Variants in SDK1 observed in about 807,000 individuals in gnomAD.
The protein encoded by SDK1 is sidekick cell adhesion molecule 1.
SDK1 carries 157 observed loss-of-function variants against 245.5 expected under a neutral mutation model. The ratio of observed to expected loss-of-function variants is 0.64; its 90% CI spans 0.56 to 0.73. The LOEUF (loss-of-function observed/expected upper bound fraction) is 0.73, where lower values mean the gene tolerates loss of function less well. SDK1 is among the 30% of genes least tolerant of loss of function. The probability of loss-of-function intolerance (pLI) is 0.00; values close to 1 mark genes in which losing one functional copy is unlikely to be tolerated. For synonymous variants in SDK1, 1,647 were observed against 1,278.5 expected, an observed-to-expected ratio of 1.29 and a Z score of -6.15; for missense variants, 3,583 against 3,002.3, an observed-to-expected ratio of 1.19 and a Z score of -4.52.
intron 38 of SDK1, among the ~76,000 whole-genome samples, chr7:4,216,726 C>T (rs1784818201): frequency 6.6e-6 from 1 of 152,196 alleles, no homozygotes; most frequent in Non-Finnish European, 1.5e-5. Context: ...CACACCTCCT[C>T]ACCCAGAACC....
At chr7:3,310,557 G>C (rs2128543289) in intron 1 of SDK1, among the ~76,000 whole-genome samples, 1 of 152,224 alleles carries the variant, frequency 6.6e-6, no homozygotes, top group African/African-American at 2.4e-5. Context: ...CAGGTTTCTG[G>C]CTTGCATGAC....
chr7:3,908,828 C>A lies in SDK1; in HGVS notation c.848-42095C>A, dbSNP rs74535432. Among the ~76,000 whole-genome samples the A allele has an allele frequency of 1.9e-3, 258 of 138,014 alleles. 2 individuals are homozygous for A. Among genetic ancestry groups the A allele is most frequent in the African/African-American group, 8.5e-3 (248 of 29,318 alleles). 90.5% of individuals were successfully genotyped at this position (138,014 alleles called of 152,430 possible). A position where few individuals can be genotyped will look rare whatever the true frequency, so the allele number is the denominator to read the frequency against. ...TGGGGGGACTTAGGAGGAAAGAATT[C>A]ATTTTTTTTTTTTTTTGGTACCTTA... On this transcript the variant is annotated intron_variant, in intron 5 of 44. Transcript: ENST00000404826.
intron 1 of SDK1, among the ~76,000 whole-genome samples, chr7:3,302,718 A>C (rs992615391): frequency 6.6e-6 from 1 of 151,876 alleles, no homozygotes; most frequent in African/African-American, 2.4e-5. Context: ...CTCAACCCAG[A>C]AATAACTATT....
Position 4,010,900 on chromosome 7 carries a change from A to T in SDK1, c.2132-66A>T. 3 of 1,531,928 alleles carry T rather than the reference A, an allele frequency of 2.0e-6. No individual in the cohort carries two copies. In the South Asian group the frequency reaches 3.5e-5, roughly 18 times the overall value. 94.9% of individuals were successfully genotyped at this position (1,531,928 alleles called of 1,614,324 possible). A position where few individuals can be genotyped will look rare whatever the true frequency, so the allele number is the denominator to read the frequency against. Reference sequence around the variant, plus strand: ...AGATGTTCCCTGAGAAAGCCTTTGCATTCACCTCTTATTATTCAGACATGA... The same window carrying T: ...AGATGTTCCCTGAGAAAGCCTTTGCTTTCACCTCTTATTATTCAGACATGA... On this transcript the variant is annotated intron_variant, in intron 14 of 44. Coordinates refer to ENST00000404826, the MANE Select transcript of SDK1 (RefSeq NM_152744.4).
chr7:4,205,907 G>T lies in SDK1; in HGVS notation c.5127G>T (p.Gln1709His). ...AAPAMAPQNV[Q>H]VTPLTASQLE... ...CGGCCATGGCCCCGCAGAACGTGCA[G>T]GTGACCCCACTCACGGCCAGCCAGC... is the stretch of plus-strand genomic sequence containing the variant. The change falls in exon 36 of 45, where the codon CAG becomes CAT. Residue 1709 changes from glutamine (Q) to histidine (H), a missense_variant. By Grantham distance (24) the Gln-to-His change is conservative. Coordinates refer to ENST00000404826, the MANE Select transcript of SDK1 (RefSeq NM_152744.4). 6.4e-7 allele frequency: 1 copy of T among 1,557,538 alleles called. No homozygotes were observed. The highest frequency in any genetic ancestry group is 1.2e-5 in the South Asian group (1 of 84,470).
At chr7:3,429,971 A>G (rs188729245) in intron 1 of SDK1, among the ~76,000 whole-genome samples, 2 of 152,340 alleles carry the variant, frequency 1.3e-5, no homozygotes, top group African/African-American at 4.8e-5. Context: ...CTCTATCTGT[A>G]TATACATTTC....
chr7:3,389,337 A>G lies in SDK1; in HGVS notation c.298+87453A>G, dbSNP rs1037324158. Among the ~76,000 whole-genome samples, 5 of 152,192 alleles carry G rather than the reference A, an allele frequency of 3.3e-5. No individual in the cohort carries two copies. The East Asian group carries it at 9.6e-4, about 29-fold the overall frequency. On this transcript the variant is annotated intron_variant, in intron 1 of 44. Transcript: ENST00000404826. ...AAATACAATTACAAGTGACCTTATA[A>G]GAGAGAGGAAACAGGATATTTAACT...
chr7:4,194,961 A>G (rs1481977349), intron 35 of SDK1, among the ~76,000 whole-genome samples: 1 of 152,168 alleles, frequency 6.6e-6, no homozygotes, highest in Non-Finnish European at 1.5e-5. Flanking sequence ...CAGCATTTGA[A>G]TTCCCCTGGA....
At chr7:3,843,279 G>A (rs1046139397) in intron 5 of SDK1, among the ~76,000 whole-genome samples, 11 of 152,226 alleles carry the variant, frequency 7.2e-5, no homozygotes, top group African/African-American at 1.4e-4. Flanking sequence ...TCTGCATAAC[G>A]TAGACTCACA....
intron 5 of SDK1, among the ~76,000 whole-genome samples, chr7:3,860,221 C>T (rs375329082): frequency 6.6e-6 from 1 of 152,074 alleles, no homozygotes; most frequent in Non-Finnish European, 1.5e-5. Context: ...TTTAAAACCT[C>T]TATGTAACAA....
intron 1 of SDK1, among the ~76,000 whole-genome samples, chr7:3,507,429 C>G (rs1423814690): frequency 6.6e-6 from 1 of 152,118 alleles, no homozygotes; most frequent in Non-Finnish European, 1.5e-5. Context: ...TAGCCAGTAC[C>G]TACAGCATGG....
At chr7:4,188,828 G>C (rs888431958) in intron 35 of SDK1, among the ~76,000 whole-genome samples, 1 of 151,802 alleles carries the variant, frequency 6.6e-6, no homozygotes, top group Admixed American at 6.6e-5. Context: ...TAATTGCTTT[G>C]TGGTGCGTCT....
At chr7:3,496,650 G>C (rs116260163) in intron 1 of SDK1, among the ~76,000 whole-genome samples, 2,547 of 152,272 alleles carry the variant, frequency 0.017, 83 homozygotes, top group African/African-American at 0.059. Context: ...ACACTTAACA[G>C]AGTTCATAGT....
At chr7:4,207,765 A>G (rs890984798) in intron 36 of SDK1, among the ~76,000 whole-genome samples, 4 of 152,158 alleles carry the variant, frequency 2.6e-5, no homozygotes, top group Non-Finnish European at 5.9e-5. Flanking sequence ...GGAAAGGCAC[A>G]TCATCGGCAG....
At chr7:3,644,787 A>G (rs1288291814) in intron 4 of SDK1, among the ~76,000 whole-genome samples, 1 of 94,260 alleles carries the variant, frequency 1.1e-5, no homozygotes, top group Non-Finnish European at 2.6e-5. Flanking sequence ...AAAAAAAAAA[A>G]AAAAACAAAA....
At chr7:4,035,200 G>T (rs1788127516) in intron 17 of SDK1, among the ~76,000 whole-genome samples, 1 of 151,874 alleles carries the variant, frequency 6.6e-6, no homozygotes. Flanking sequence ...GGTGAGGCTG[G>T]TCTTGAACTC....
intron 5 of SDK1, among the ~76,000 whole-genome samples, chr7:3,891,681 T>G (rs559714662): frequency 6.6e-6 from 1 of 152,290 alleles, no homozygotes; most frequent in African/African-American, 2.4e-5. Flanking sequence ...CTCTAGGCCA[T>G]TTTGTGCAGT....
chr7:3,317,627 A>T (rs1779696826), intron 1 of SDK1, among the ~76,000 whole-genome samples: 2 of 152,086 alleles, frequency 1.3e-5, no homozygotes. Flanking sequence ...ACCTGTATTA[A>T]GATTTTCTAC....
intron 4 of SDK1, among the ~76,000 whole-genome samples, chr7:3,752,092 C>T (rs1210547474): frequency 6.6e-6 from 1 of 152,184 alleles, no homozygotes; most frequent in Admixed American, 6.5e-5. Context: ...TAAACACTTT[C>T]TAAGTTACTG....
Sources: allele counts gnomAD v4.1 joint callset (sites outside exome capture counted in the v4.1 genomes callset), GRCh38; gene constraint gnomAD v4.1.1; transcripts MANE v1.5; gene names NCBI Gene and HGNC (gene_info 2026-07-23, HGNC 2026-07-21).